PIP5K1A: variants seen among roughly 807,000 people sequenced by gnomAD.
PIP5K1A encodes phosphatidylinositol-4-phosphate 5-kinase type 1 alpha, also known as phosphatidylinositol 4-phosphate 5-kinase type-1 alpha.
PIP5K1A carries 46 observed loss-of-function variants against 72.9 expected under a neutral mutation model. The observed-to-expected ratio is 0.63, with a 90% CI of 0.50 to 0.81. The LOEUF is 0.81. Among genes scored for constraint, PIP5K1A ranks in the 30% least tolerant of loss-of-function variants. The probability of loss-of-function intolerance (pLI) is 0.00; values close to 1 mark genes in which losing one functional copy is unlikely to be tolerated. For missense variants in PIP5K1A, 458 were observed against 706.1 expected, an observed-to-expected ratio of 0.65 and a Z score of 3.98; for synonymous variants, 228 against 255.1, an observed-to-expected ratio of 0.89 and a Z score of 1.01.
chr1:151,216,807 A>T (rs888612241), intron 1 of PIP5K1A, among the ~76,000 whole-genome samples: 4 of 151,992 alleles, frequency 2.6e-5, no homozygotes, highest in African/African-American at 9.7e-5. Flanking sequence ...CTTAGGAAGT[A>T]CATGTTGTTA....
chr1:151,199,335 C>G (rs6683396), intron 1 of PIP5K1A: 402,275 of 602,586 alleles, frequency 0.67, 136,365 homozygotes, highest in Non-Finnish European at 0.69. Flanking sequence ...TAGGGTGGCC[C>G]GGCGCGGTGG....
At chr1:151,207,644 TC>T (rs1010253562) in intron 1 of PIP5K1A, among the ~76,000 whole-genome samples, 2 of 151,216 alleles carry the variant, frequency 1.3e-5, no homozygotes, top group Admixed American at 1.3e-4. Context: ...TGATTCTGCT[TC>T]CTCAGCCTCC....
chr1:151,205,469 C>T (rs919274458), intron 1 of PIP5K1A, among the ~76,000 whole-genome samples: 33 of 151,956 alleles, frequency 2.2e-4, no homozygotes, highest in African/African-American at 8.0e-4. Flanking sequence ...AGCTACTGCC[C>T]GGCCTCTCTC....
At chr1:151,228,144 A>ATT (rs138869008) in intron 4 of PIP5K1A, among the ~76,000 whole-genome samples, 5 of 146,888 alleles carry the variant, frequency 3.4e-5, no homozygotes, top group South Asian at 2.2e-4. Context: ...TTTCTCTTCC[A>ATT]TTTTTTTTTT....
upstream of PIP5K1A, among the ~76,000 whole-genome samples, chr1:151,196,398 C>T (rs1189665326): frequency 1.3e-5 from 2 of 152,070 alleles, no homozygotes; most frequent in African/African-American, 4.8e-5. Context: ...TACTTCAACA[C>T]AACAAAATTC....
Position 151,249,513 on chromosome 1 carries a change from C to T in PIP5K1A, c.*1648C>T, listed in dbSNP as rs1373955223. ...TGATATATGGTTTTAATGTAATAAA[C>T]TTTAATGAGTTATTTAGACCTCTTA... is the stretch of plus-strand genomic sequence containing the variant. On this transcript the variant is annotated 3_prime_UTR_variant, in exon 16 of 16. Coordinates refer to ENST00000368888, the MANE Select transcript of PIP5K1A (RefSeq NM_001135638.2). 2.0e-5 allele frequency: 3 copies of T among 152,126 alleles called. No homozygotes were observed. Among genetic ancestry groups the T allele is most frequent in the African/African-American group, 7.2e-5 (3 of 41,434 alleles). 9.4% of individuals were successfully genotyped at this position (152,126 alleles called of 1,614,324 possible). A position where few individuals can be genotyped will look rare whatever the true frequency, so the allele number is the denominator to read the frequency against.
chr1:151,214,938 G>T (rs781090583), intron 1 of PIP5K1A, among the ~76,000 whole-genome samples: 1 of 151,052 alleles, frequency 6.6e-6, no homozygotes, highest in Non-Finnish European at 1.5e-5. Context: ...GGCTGGTCTC[G>T]AACTCCTGGC....
chr1:151,219,707 C>G (rs1046720473), intron 1 of PIP5K1A, among the ~76,000 whole-genome samples: 57 of 150,526 alleles, frequency 3.8e-4, no homozygotes, highest in African/African-American at 1.2e-3. Flanking sequence ...AAAAAAGAAA[C>G]AAAACTGGAA....
At chr1:151,224,168 C>A in intron 1 of PIP5K1A, 77 bp from the exon 2 acceptor site, 3 of 1,324,832 alleles carry the variant, frequency 2.3e-6, no homozygotes, top group Non-Finnish European at 2.2e-6. Context: ...TTGACTCAAA[C>A]TCTGATGGTT....
At chr1:151,222,608 G>T (rs970271195) in intron 1 of PIP5K1A, among the ~76,000 whole-genome samples, 1 of 152,154 alleles carries the variant, frequency 6.6e-6, no homozygotes, top group African/African-American at 2.4e-5. Context: ...CAGACTAGAA[G>T]CAGATGCTGG....
rs150130273 is a variant in PIP5K1A, at chr1:151,232,050, TTTC to T, written c.369-186_369-184del. ...ATGCATTGGATAGGAGGCAGTGTGA[TTTC>T]TTCTTCTTCTTATGTCTTGCTGTCC... is the stretch of plus-strand genomic sequence containing the variant. On this transcript the variant is annotated intron_variant, in intron 5 of 15. Transcript: ENST00000368888. Among the ~76,000 whole-genome samples, 286 of 152,202 alleles carry T rather than the reference TTTC, an allele frequency of 1.9e-3. 1 individual carries two copies. Among genetic ancestry groups the T allele is most frequent in the Non-Finnish European group, 2.9e-3 (196 of 68,004 alleles).
chr1:151,229,264 T>C (rs891933773), intron 4 of PIP5K1A, among the ~76,000 whole-genome samples: 7 of 149,514 alleles, frequency 4.7e-5, no homozygotes, highest in African/African-American at 7.4e-5. Context: ...GATGGCACAC[T>C]GCAGCCTTGA....
At position 151,234,324 on chromosome 1, in the gene PIP5K1A, T is replaced by C. The variant is rs1690547556; in HGVS notation, c.767T>C (p.Ile256Thr). The change falls in exon 8 of 16, where the codon ATC becomes ACC. Residue 256 changes from isoleucine to threonine, a missense_variant. This residue lies in a region of PIP5K1A where 220 missense variants were observed against 442.6 expected (regional missense o/e 0.50). Transcript: ENST00000368888. The stretch of plus-strand genomic sequence containing the variant: ...TTACCAAGATCGGTAAAAATGCATA[T>C]CAAATATGACCTCAAAGGCTCAACC... ...NLLPRSVKMHIKYDLKGSTYK... is the reference protein window; with the variant it reads ...NLLPRSVKMHTKYDLKGSTYK... The C allele has an allele frequency of 1.2e-6, 2 of 1,613,848 alleles. No homozygotes were observed. The highest frequency in any genetic ancestry group is 1.7e-6 in the Non-Finnish European group (2 of 1,179,910).
chr1:151,232,286 A>C lies in PIP5K1A; in HGVS notation c.407A>C (p.Asp136Ala), dbSNP rs1480323915. ...CTGACCCCTGCTCATCACTACAATG[A>C]CTTTCGTTTCAAGACCTATGCACCT... ...SNLTPAHHYN[D>A]FRFKTYAPVA... is the part of the protein sequence containing the mutation. Residue 136 changes from aspartate (D) to alanine (A), a missense_variant, in exon 6 of 16, where the codon GAC becomes GCC. Physicochemically the swap from Asp to Ala is moderately radical, Grantham distance 126 (BLOSUM62 -2). Coordinates refer to ENST00000368888, the MANE Select transcript of PIP5K1A (RefSeq NM_001135638.2). The C allele has an allele frequency of 2.5e-6, 4 of 1,614,024 alleles. No homozygotes were observed. The highest frequency in any genetic ancestry group is 2.5e-6 in the Non-Finnish European group (3 of 1,179,942).
intron 3 of PIP5K1A, among the ~76,000 whole-genome samples, chr1:151,224,649 T>G (rs1291717999): frequency 6.6e-6 from 1 of 152,178 alleles, no homozygotes; most frequent in East Asian, 1.9e-4. Flanking sequence ...GTGGGATTAG[T>G]AAAGCTGGGA....
At chr1:151,227,523 C>T in intron 4 of PIP5K1A, 123 bp downstream of exon 4, 1 of 568,996 alleles carries the variant, frequency 1.8e-6, no homozygotes, top group Non-Finnish European at 3.1e-6. Context: ...AGCTTTTGCA[C>T]ATAATACAGC....
At chr1:151,209,437 A>ATTT (rs34643257) in intron 1 of PIP5K1A, among the ~76,000 whole-genome samples, 5 of 118,184 alleles carry the variant, frequency 4.2e-5, no homozygotes, top group South Asian at 2.8e-4. Context: ...TGCCTGGCTA[A>ATTT]TTTTTTTTTT....
intron 14 of PIP5K1A, among the ~76,000 whole-genome samples, chr1:151,244,179 G>GAAAAAAAAAAA (rs587631659): frequency 9.6e-6 from 1 of 104,024 alleles, no homozygotes. Context: ...AAAAAATACT[G>GAAAAAAAAAAA]AAAAAAAAAA....
At chr1:151,244,178 T>TG (rs1692158708) in intron 14 of PIP5K1A, among the ~76,000 whole-genome samples, 1 of 126,888 alleles carries the variant, frequency 7.9e-6, no homozygotes. Flanking sequence ...GAAAAAATAC[T>TG]GAAAAAAAAA....
Sources: allele counts gnomAD v4.1 joint callset (sites outside exome capture counted in the v4.1 genomes callset), GRCh38; gene constraint gnomAD v4.1.1; regional missense constraint gnomAD v4.1.1; transcripts MANE v1.5; gene names NCBI Gene and HGNC (gene_info 2026-07-23, HGNC 2026-07-21).